ROBO2: variants seen among roughly 807,000 people sequenced by gnomAD.
The protein encoded by ROBO2 is roundabout guidance receptor 2, also known as roundabout homolog 2.
ROBO2 carries 53 observed loss-of-function variants against 160.8 expected under a neutral mutation model. The observed-to-expected ratio is 0.33, with a 90% CI of 0.26 to 0.41. ROBO2 has a LOEUF of 0.41. Among genes scored for constraint, ROBO2 ranks in the 10% least tolerant of loss-of-function variants. ROBO2 has a pLI of 1.00. For synonymous variants in ROBO2, 664 were observed against 611.7 expected, an observed-to-expected ratio of 1.09 and a Z score of -1.26; for missense variants, 1,577 against 1,722.4, an observed-to-expected ratio of 0.92 and a Z score of 1.49.
intron 2 of ROBO2, among the ~76,000 whole-genome samples, chr3:76,184,782 G>A (rs912146401): frequency 6.6e-6 from 1 of 152,068 alleles, no homozygotes; most frequent in Non-Finnish European, 1.5e-5. Flanking sequence ...GGGAGATGAT[G>A]GACACTGGTG....
chr3:77,640,062 T>G (rs949883708), intron 24 of ROBO2, among the ~76,000 whole-genome samples: 24 of 148,364 alleles, frequency 1.6e-4, no homozygotes, highest in African/African-American at 5.7e-4. Flanking sequence ...AATGTAACTG[T>G]GACCAACTGA....
intron 2 of ROBO2, among the ~76,000 whole-genome samples, chr3:76,065,051 T>C (rs1223594246): frequency 2.0e-5 from 3 of 152,076 alleles, no homozygotes; most frequent in African/African-American, 7.2e-5. Flanking sequence ...AATAGATAAG[T>C]TGAAACAACT....
At chr3:76,273,881 C>T (rs1707759398) in intron 2 of ROBO2, among the ~76,000 whole-genome samples, 1 of 152,116 alleles carries the variant, frequency 6.6e-6, no homozygotes, top group East Asian at 1.9e-4. Flanking sequence ...ATTAATTTCT[C>T]ATAGCTCTGG....
At chr3:76,437,246 A>G (rs2076723782) in intron 2 of ROBO2, among the ~76,000 whole-genome samples, 1 of 152,194 alleles carries the variant, frequency 6.6e-6, no homozygotes, top group African/African-American at 2.4e-5. Flanking sequence ...AACATTTTAT[A>G]TAAAGGAATC....
intron 2 of ROBO2, among the ~76,000 whole-genome samples, chr3:77,476,047 A>C (rs1302819729): frequency 6.6e-6 from 1 of 152,192 alleles, no homozygotes; most frequent in Admixed American, 6.5e-5. Context: ...AATCTCATAA[A>C]GGGCCATGAC....
At chr3:76,288,622 C>G (rs908247145) in intron 2 of ROBO2, among the ~76,000 whole-genome samples, 6 of 152,028 alleles carry the variant, frequency 3.9e-5, no homozygotes, top group Admixed American at 3.3e-4. Flanking sequence ...TGAGAGTTTT[C>G]AATCTTCGCT....
At chr3:76,897,840 A>G (rs2074926347) in intron 2 of ROBO2, among the ~76,000 whole-genome samples, 1 of 152,074 alleles carries the variant, frequency 6.6e-6, no homozygotes, top group Non-Finnish European at 1.5e-5. Flanking sequence ...TATATCCGAT[A>G]TTGATAGCAT....
At chr3:76,893,311 A>AACACAC (rs112654771) in intron 2 of ROBO2, among the ~76,000 whole-genome samples, 2,560 of 149,276 alleles carry the variant, frequency 0.017, 67 homozygotes, top group African/African-American at 0.058. Context: ...TTTTCAAGTG[A>AACACAC]ACACACACAC....
At chr3:76,085,080 G>A (rs1211687582) in intron 2 of ROBO2, among the ~76,000 whole-genome samples, 1 of 150,588 alleles carries the variant, frequency 6.6e-6, no homozygotes, top group African/African-American at 2.5e-5. Flanking sequence ...CAGAGTTTGT[G>A]TAACACAAAC....
At chr3:76,669,671 C>T (rs2092188230) in intron 2 of ROBO2, among the ~76,000 whole-genome samples, 1 of 152,102 alleles carries the variant, frequency 6.6e-6, no homozygotes, top group East Asian at 1.9e-4. Flanking sequence ...CAACCGGGGA[C>T]GGGGACCATA....
chr3:77,583,161 A>C (rs1367881323), intron 16 of ROBO2, among the ~76,000 whole-genome samples: 2 of 151,516 alleles, frequency 1.3e-5, no homozygotes, highest in Non-Finnish European at 2.9e-5. Flanking sequence ...CCAAAAAAAA[A>C]AAAAAAAAAA....
chr3:76,185,624 A>G (rs1406954389), intron 2 of ROBO2, among the ~76,000 whole-genome samples: 1 of 152,080 alleles, frequency 6.6e-6, no homozygotes, highest in Non-Finnish European at 1.5e-5. Context: ...AAAAACTGGA[A>G]GAATGAGGAT....
chr3:77,229,665 C>CAAA (rs71104661), intron 2 of ROBO2, among the ~76,000 whole-genome samples: 1 of 133,924 alleles, frequency 7.5e-6, no homozygotes, highest in Non-Finnish European at 1.6e-5. Flanking sequence ...AGACTGTCTC[C>CAAA]AAAAAAAAAA....
chr3:75,970,205 A>G (rs543012014), intron 2 of ROBO2, among the ~76,000 whole-genome samples: 1 of 151,610 alleles, frequency 6.6e-6, no homozygotes, highest in South Asian at 2.1e-4. Context: ...GCAACAGAAA[A>G]TGCACCTTTC....
chr3:77,087,829 TAC>T (rs561626412), intron 1 of ROBO2, among the ~76,000 whole-genome samples: 7 of 151,970 alleles, frequency 4.6e-5, no homozygotes, highest in South Asian at 2.1e-4. Context: ...TGTATATATA[TAC>T]ACACACACAT....
intron 13 of ROBO2, among the ~76,000 whole-genome samples, chr3:77,568,778 A>G (rs548196861): frequency 6.6e-6 from 1 of 152,024 alleles, no homozygotes; most frequent in South Asian, 2.1e-4. Flanking sequence ...ATCATCCCCA[A>G]ATGAAATCCT....
At position 77,075,165 on chromosome 3, in the gene ROBO2, T is replaced by C. The variant is rs113038143; in HGVS notation, c.62-22849T>C. 7.2e-3 allele frequency among the ~76,000 whole-genome samples: 1,103 copies of C among 152,336 alleles called. 10 individuals are homozygous for C. Among genetic ancestry groups the C allele is most frequent in the African/African-American group, 0.026 (1,072 of 41,584 alleles). On this transcript the variant is annotated intron_variant, in intron 1 of 25. Coordinates refer to ENST00000461745, the Ensembl canonical transcript of ROBO2. ...TTATAATTTATATGTTGACATTCCA[T>C]ATTAGCATTATAGAACAACCGACCA...
chr3:76,094,035 A>T (rs957270802), intron 2 of ROBO2, among the ~76,000 whole-genome samples: 2 of 152,192 alleles, frequency 1.3e-5, no homozygotes, highest in Non-Finnish European at 2.9e-5. Flanking sequence ...GTGCCAGATC[A>T]CAAAAAGAAT....
chr3:76,059,785 T>A (rs1296711097), intron 2 of ROBO2, among the ~76,000 whole-genome samples: 1 of 152,316 alleles, frequency 6.6e-6, no homozygotes, highest in East Asian at 1.9e-4. Flanking sequence ...TGGTTTTAGG[T>A]CTAATATGTA....
Sources: allele counts gnomAD v4.1 joint callset (sites outside exome capture counted in the v4.1 genomes callset), GRCh38; gene constraint gnomAD v4.1.1; transcripts MANE v1.5; gene names NCBI Gene and HGNC (gene_info 2026-07-23, HGNC 2026-07-21).